ATP8A2: variants seen among roughly 807,000 people sequenced by gnomAD.
ATP8A2 encodes the protein ATPase phospholipid transporting 8A2.
ATP8A2 carries 100 observed loss-of-function variants against 165.6 expected under a neutral mutation model. The ratio of observed to expected loss-of-function variants is 0.60; its 90% CI spans 0.51 to 0.71. ATP8A2 has a LOEUF of 0.71. Among genes scored for constraint, ATP8A2 ranks in the 30% least tolerant of loss-of-function variants. The pLI is 0.00. For missense variants in ATP8A2, 1,227 were observed against 1,479.5 expected (o/e 0.83, Z 2.80); for synonymous variants, 543 against 548.8 (o/e 0.99, Z 0.15).
intron 1 of ATP8A2, among the ~76,000 whole-genome samples, chr13:25,436,024 C>A (rs1446212955): frequency 6.7e-6 from 1 of 148,956 alleles, no homozygotes; most frequent in Non-Finnish European, 1.5e-5. Context: ...TAAATTTAAG[C>A]CACCGGCAAT....
At chr13:25,915,258 A>G (rs760244141) in intron 33 of ATP8A2, among the ~76,000 whole-genome samples, 2 of 152,226 alleles carry the variant, frequency 1.3e-5, no homozygotes, top group Non-Finnish European at 2.9e-5. Flanking sequence ...GTTACCATCA[A>G]CGGGTTGTGT....
At chr13:25,834,404 T>C (rs1370068410) in intron 28 of ATP8A2, among the ~76,000 whole-genome samples, 3 of 152,168 alleles carry the variant, frequency 2.0e-5, no homozygotes, top group Non-Finnish European at 4.4e-5. Flanking sequence ...CTGGGCCTTC[T>C]TCCCATAGAG....
intron 33 of ATP8A2, among the ~76,000 whole-genome samples, chr13:25,945,132 A>G (rs1955178749): frequency 6.6e-6 from 1 of 152,184 alleles, no homozygotes; most frequent in Non-Finnish European, 1.5e-5. Flanking sequence ...TTTAGGCAAA[A>G]CATATACATA....
chr13:25,408,341 C>T (rs548768366), intron 1 of ATP8A2, among the ~76,000 whole-genome samples: 2 of 151,432 alleles, frequency 1.3e-5, no homozygotes, highest in East Asian at 1.9e-4. Context: ...TGCAGTGAGC[C>T]GAGATTGTGC....
At chr13:25,619,637 AT>A (rs946178266) in intron 24 of ATP8A2, among the ~76,000 whole-genome samples, 1 of 152,228 alleles carries the variant, frequency 6.6e-6, no homozygotes, top group African/African-American at 2.4e-5. Context: ...GAAATGAAAA[AT>A]ATCACAACAA....
chr13:25,811,871 C>T (rs1331267814), intron 27 of ATP8A2, among the ~76,000 whole-genome samples: 1 of 152,058 alleles, frequency 6.6e-6, no homozygotes, highest in Non-Finnish European at 1.5e-5. Flanking sequence ...AAAGAAAACC[C>T]AATTGTTTCT....
At chr13:25,748,087 A>G (rs2044073274) in intron 25 of ATP8A2, among the ~76,000 whole-genome samples, 1 of 152,250 alleles carries the variant, frequency 6.6e-6, no homozygotes, top group Non-Finnish European at 1.5e-5. Context: ...ATTACTAAGT[A>G]GAGATATATT....
chr13:25,770,150 A>G (rs2044587706), intron 26 of ATP8A2, among the ~76,000 whole-genome samples: 1 of 152,188 alleles, frequency 6.6e-6, no homozygotes. Context: ...TTATAGTTTA[A>G]ACAAAGATGG....
rs553005504 is a variant in ATP8A2 at position 25,593,213 on chromosome 13, G to T, written c.2211+3514G>T. Reference sequence around the variant, plus strand: ...CCAGGTTGAGAATTTAAGTCTCAGGGCTCCAATAACAATGCAGATGGGACA... The same window carrying T: ...CCAGGTTGAGAATTTAAGTCTCAGGTCTCCAATAACAATGCAGATGGGACA... On this transcript the variant is annotated intron_variant, in intron 24 of 36. Coordinates refer to ENST00000381655, the MANE Select transcript of ATP8A2 (RefSeq NM_016529.6). 3.3e-5 allele frequency among the ~76,000 whole-genome samples: 5 copies of T among 152,244 alleles called. No individual in the cohort carries two copies. In the South Asian group the frequency reaches 1.0e-3, roughly 32 times the overall value.
rs371502216 is a variant in ATP8A2 at position 25,953,984 on chromosome 13, A to T, written c.3184-7591A>T. 3.7e-3 allele frequency among the ~76,000 whole-genome samples: 558 copies of T among 151,078 alleles called. 5 individuals carry two copies. The highest frequency in any genetic ancestry group is 0.013 in the African/African-American group (529 of 41,034). On this transcript the variant is annotated intron_variant, in intron 33 of 36. Transcript: ENST00000381655. This position sits in a 1 kb window ranked among gnomAD's most constrained non-coding sequence, Gnocchi z 6.7. ...TTTTTTTTTTTCATACCCCAGTGGC[A>T]CCTGGAATGCCAGCAAGACAGAACC...
At chr13:25,428,318 A>C (rs796981664) in intron 1 of ATP8A2, among the ~76,000 whole-genome samples, 20 of 152,318 alleles carry the variant, frequency 1.3e-4, no homozygotes, top group African/African-American at 4.6e-4. Flanking sequence ...AGTTCTGCAC[A>C]CTTGGTGCCA....
chr13:25,855,477 T>C (rs1365365099), intron 30 of ATP8A2, among the ~76,000 whole-genome samples: 1 of 152,236 alleles, frequency 6.6e-6, no homozygotes, highest in Non-Finnish European at 1.5e-5. Context: ...TGCCTAATAA[T>C]GGTGTTCTAT....
intron 33 of ATP8A2, among the ~76,000 whole-genome samples, chr13:25,933,220 T>A (rs1439240732): frequency 6.6e-6 from 1 of 152,196 alleles, no homozygotes; most frequent in Admixed American, 6.5e-5. Context: ...CCAGATAACA[T>A]GGCAGGGCCA....
intron 33 of ATP8A2, among the ~76,000 whole-genome samples, chr13:25,897,141 C>T (rs559511952): frequency 6.6e-6 from 1 of 152,178 alleles, no homozygotes; most frequent in African/African-American, 2.4e-5. Flanking sequence ...ATGGTCTTTA[C>T]AGTTTGGCAT....
chr13:25,401,862 CTAT>C (rs1314436734), intron 1 of ATP8A2, among the ~76,000 whole-genome samples: 3 of 151,952 alleles, frequency 2.0e-5, no homozygotes, highest in African/African-American at 7.3e-5. Flanking sequence ...TGCTTTGGGG[CTAT>C]TATTATTTAG....
chr13:25,776,404 G>A (rs960839478), intron 27 of ATP8A2, among the ~76,000 whole-genome samples: 3 of 152,190 alleles, frequency 2.0e-5, no homozygotes, highest in Admixed American at 6.5e-5. Context: ...CACAGCAGAG[G>A]CTTGAGAGAT....
chr13:25,509,248 A>T (rs891537762), intron 2 of ATP8A2, among the ~76,000 whole-genome samples: 4 of 152,224 alleles, frequency 2.6e-5, no homozygotes, highest in African/African-American at 9.6e-5. Flanking sequence ...TCACTTACAA[A>T]GGAAATTTCA....
At chr13:25,838,764 C>T (rs986790009) in intron 29 of ATP8A2, among the ~76,000 whole-genome samples, 3 of 151,870 alleles carry the variant, frequency 2.0e-5, no homozygotes, top group Non-Finnish European at 2.9e-5. Context: ...GTTAATAACT[C>T]GAGGGGGGCA....
chr13:25,754,856 A>G (rs1296022192), intron 25 of ATP8A2, among the ~76,000 whole-genome samples: 1 of 152,158 alleles, frequency 6.6e-6, no homozygotes. Flanking sequence ...TTCACTTGTT[A>G]GTTGTCTGGT....
Sources: allele counts gnomAD v4.1 joint callset (sites outside exome capture counted in the v4.1 genomes callset), GRCh38; gene constraint gnomAD v4.1.1; non-coding constraint Gnocchi (gnomAD v3.1); transcripts MANE v1.5; gene names NCBI Gene and HGNC (gene_info 2026-07-23, HGNC 2026-07-21).